Variants in MYO1H observed in about 807,000 individuals in gnomAD.
The protein encoded by MYO1H is myosin IH.
Under a neutral mutation model 149.3 loss-of-function variants are expected in MYO1H, and 118 were observed. The observed-to-expected ratio is 0.79, with a 90% confidence interval of 0.68 to 0.92. MYO1H has a LOEUF of 0.92. Ranked by LOEUF, MYO1H falls within the 40% of genes least tolerant of loss-of-function variation. MYO1H has a pLI of 0.00. For missense variants in MYO1H, 1,212 were observed against 1,280.7 expected, an observed-to-expected ratio of 0.95 and a Z score of 0.82; for synonymous variants, 447 against 465.2, an observed-to-expected ratio of 0.96 and a Z score of 0.50.
chr12:109,444,710 T>C (rs921682748), intron 30 of MYO1H, among the ~76,000 whole-genome samples, 181 bp downstream of exon 30: 32 of 152,024 alleles, frequency 2.1e-4, no homozygotes, highest in Admixed American at 2.0e-3. Context: ...CTACTAAGAA[T>C]ACAAAGATTA....
intron 7 of MYO1H, among the ~76,000 whole-genome samples, chr12:109,405,652 T>C (rs1443489139): frequency 2.6e-5 from 4 of 152,186 alleles, no homozygotes. Context: ...GAAAAATCCA[T>C]TTATGTATTT....
exon 25 of MYO1H, chr12:109,440,781 T>A: frequency 6.4e-7 from 1 of 1,566,112 alleles, no homozygotes; most frequent in Non-Finnish European, 8.7e-7. Flanking sequence ...GTGAGGAACC[T>A]GGTGCAGAAG....
In MYO1H at chr12:109,410,151, T is replaced by A. The variant is rs77974270; in HGVS notation, c.1329+83T>A. 8 of 702,764 alleles carry A rather than the reference T, an allele frequency of 1.1e-5. No individual in the cohort carries two copies. In the Admixed American group the frequency reaches 1.2e-4, roughly 10 times the overall value. The allele number at this position is 702,764 out of a possible 1,614,324, so 43.5% of individuals were successfully genotyped here. On this transcript the variant is annotated intron_variant, in intron 12 of 31. Coordinates refer to ENST00000310903, the Ensembl canonical transcript of MYO1H. ...TTTTTAATTTAATTAATTTTTTTTT[T>A]ATTTTTTTGAGACAAGATCTCACTC...
the MYO1H span, among the ~76,000 whole-genome samples, chr12:109,333,959 T>C: frequency 6.6e-6 from 1 of 152,078 alleles, no homozygotes; most frequent in African/African-American, 2.4e-5. Context: ...TTATTACTTA[T>C]ATATTTACTT....
chr12:109,400,963 G>T, intron 5 of MYO1H, 130 bp from the exon 6 acceptor site: 1 of 833,032 alleles, frequency 1.2e-6, no homozygotes, highest in Non-Finnish European at 1.8e-6. Context: ...AGATTGATAT[G>T]TCCAAAAAAA....
the MYO1H span, among the ~76,000 whole-genome samples, chr12:109,326,280 T>C: frequency 4.6e-4 from 70 of 152,296 alleles, no homozygotes; most frequent in South Asian, 0.013. Flanking sequence ...TGCTGCATCC[T>C]CTCTCCCTAC....
chr12:109,427,937 T>TATATATATATATATATATATA (rs1871447802), intron 19 of MYO1H, among the ~76,000 whole-genome samples: 1 of 89,588 alleles, frequency 1.1e-5, no homozygotes, highest in African/African-American at 4.1e-5. Flanking sequence ...TATATATATA[T>TATATATATATATATATATATA]TAGATGGGTG....
chr12:109,402,576 T>C (rs931340838), intron 6 of MYO1H, among the ~76,000 whole-genome samples: 6 of 152,278 alleles, frequency 3.9e-5, no homozygotes, highest in African/African-American at 1.4e-4. Context: ...AAGACCGGCC[T>C]GGGCAATGTA....
At chr12:109,415,002 A>G (rs1055002873) in intron 14 of MYO1H, among the ~76,000 whole-genome samples, 38 of 152,242 alleles carry the variant, frequency 2.5e-4, no homozygotes, top group African/African-American at 8.4e-4. Context: ...GTGAGCCACC[A>G]TGCCCGGCCA....
At chr12:109,393,576 C>CATCCATCCATCCATCT (rs71079558) in intron 3 of MYO1H, 130 bp downstream of exon 3, 13 of 653,686 alleles carry the variant, frequency 2.0e-5, no homozygotes, top group African/African-American at 1.6e-4. Flanking sequence ...TCCATCCATC[C>CATCCATCCATCCATCT]GCCCACCCAT....
intron 1 of MYO1H, among the ~76,000 whole-genome samples, chr12:109,375,326 T>C (rs1054829238): frequency 2.0e-5 from 3 of 152,074 alleles, no homozygotes; most frequent in Non-Finnish European, 2.9e-5. Flanking sequence ...CTAATTTTCA[T>C]ATTTTTTGTA....
chr12:109,390,459 A>G (rs570442654), intron 2 of MYO1H, among the ~76,000 whole-genome samples: 10 of 152,120 alleles, frequency 6.6e-5, no homozygotes, highest in Admixed American at 5.9e-4. Context: ...TTTTCTATAT[A>G]AGAGCTTGGA....
At chr12:109,405,810 C>G in intron 7 of MYO1H, 112 bp from the exon 8 acceptor site, 2 of 735,368 alleles carry the variant, frequency 2.7e-6, no homozygotes, top group South Asian at 3.1e-5. Flanking sequence ...GGAATTGGGA[C>G]GGGGGCATTT....
intron 1 of MYO1H, among the ~76,000 whole-genome samples, chr12:109,371,213 C>CTTTTTTTTTTTT (rs34350111): frequency 2.5e-5 from 3 of 118,344 alleles, no homozygotes; most frequent in African/African-American, 6.3e-5. Context: ...TTTTTTCTTT[C>CTTTTTTTTTTTT]TTTTTTTTTT....
chr12:109,311,386 C>T, the MYO1H span, among the ~76,000 whole-genome samples: 2 of 152,072 alleles, frequency 1.3e-5, no homozygotes, highest in Non-Finnish European at 2.9e-5. Flanking sequence ...AAAATATTGC[C>T]ACTAAAACAC....
At chr12:109,385,368 C>T (rs1369492342) in intron 1 of MYO1H, among the ~76,000 whole-genome samples, 1 of 150,844 alleles carries the variant, frequency 6.6e-6, no homozygotes, top group Non-Finnish European at 1.5e-5. Context: ...AATCATGGCT[C>T]ATTGCAGCCT....
At chr12:109,332,543 G>C in the MYO1H span, among the ~76,000 whole-genome samples, 1 of 152,184 alleles carries the variant, frequency 6.6e-6, no homozygotes, top group Admixed American at 6.5e-5. Context: ...TCATCCATCT[G>C]CAACTGCATT....
chr12:109,388,974 T>G, intron 2 of MYO1H, 130 bp downstream of exon 2: 1 of 1,174,130 alleles, frequency 8.5e-7, no homozygotes, highest in South Asian at 2.0e-5. Context: ...GGCGCCACTC[T>G]TAGATGCACT....
At chr12:109,333,523 T>C in the MYO1H span, among the ~76,000 whole-genome samples, 1 of 152,112 alleles carries the variant, frequency 6.6e-6, no homozygotes, top group Non-Finnish European at 1.5e-5. Flanking sequence ...GTCTAGTCCC[T>C]GCTGCCTTAT....
Sources: gnomAD v4.1 joint callset for allele counts (sites outside exome capture counted in the v4.1 genomes callset) on GRCh38, gnomAD v4.1.1 for gene constraint, MANE v1.5 for transcripts, NCBI Gene and HGNC (gene_info 2026-07-23, HGNC 2026-07-21) for gene names.